The following SSH2 variants were observed in gnomAD, a reference collection of about 807,000 sequenced individuals.
SSH2 encodes slingshot protein phosphatase 2.
Under a neutral mutation model 135.2 loss-of-function variants are expected in SSH2, and 37 were observed. The observed-to-expected ratio is 0.27, with a 90% CI of 0.21 to 0.36. The LOEUF (loss-of-function observed/expected upper bound fraction) is 0.36. SSH2 is among the 10% of genes least tolerant of loss of function. SSH2 has a pLI of 1.00. For missense variants in SSH2, 1,408 were observed against 1,765.3 expected (o/e 0.80, Z 3.63); for synonymous variants, 628 against 646.2 (o/e 0.97, Z 0.43).
intron 1 of SSH2, among the ~76,000 whole-genome samples, chr17:29,873,356 C>T (rs1277118260): frequency 6.6e-6 from 1 of 151,802 alleles, no homozygotes; most frequent in African/African-American, 2.4e-5. Flanking sequence ...GTCAGGAGTT[C>T]GAGACCAGTC....
At chr17:29,660,655 A>G (rs1016680592) in intron 11 of SSH2, among the ~76,000 whole-genome samples, 2 of 152,166 alleles carry the variant, frequency 1.3e-5, no homozygotes, top group East Asian at 3.8e-4. Context: ...TTATACATGC[A>G]AAGTTTTTCC....
At chr17:29,862,309 G>A (rs2065779053) in intron 1 of SSH2, among the ~76,000 whole-genome samples, 1 of 152,116 alleles carries the variant, frequency 6.6e-6, no homozygotes, top group South Asian at 2.1e-4. Flanking sequence ...TCCCCCTCTG[G>A]ACTATGAGCT....
chr17:29,840,717 G>A (rs957473203), intron 2 of SSH2, among the ~76,000 whole-genome samples: 2 of 152,172 alleles, frequency 1.3e-5, no homozygotes, highest in African/African-American at 4.8e-5. Flanking sequence ...AAGAGCTGGT[G>A]ACATGAGGGA....
chr17:29,667,586 T>G (rs577142869), intron 9 of SSH2, among the ~76,000 whole-genome samples: 2 of 152,336 alleles, frequency 1.3e-5, no homozygotes, highest in East Asian at 3.9e-4. Flanking sequence ...CCTGATGATC[T>G]GAGGTGAAAC....
chr17:29,805,083 G>C (rs2042316668), intron 2 of SSH2, among the ~76,000 whole-genome samples: 1 of 151,216 alleles, frequency 6.6e-6, no homozygotes, highest in South Asian at 2.1e-4. Flanking sequence ...GGTTACCTCT[G>C]GGTCCCTTTT....
At chr17:29,703,974 T>C (rs912627202) in intron 3 of SSH2, among the ~76,000 whole-genome samples, 1 of 152,214 alleles carries the variant, frequency 6.6e-6, no homozygotes, top group African/African-American at 2.4e-5. Flanking sequence ...CTTTACTTCT[T>C]CCTAATAGAG....
chr17:29,829,837 ATT>A (rs35027288), intron 2 of SSH2, among the ~76,000 whole-genome samples: 79 of 130,368 alleles, frequency 6.1e-4, no homozygotes, highest in African/African-American at 1.2e-3. Flanking sequence ...AAAGATCAAG[ATT>A]TTTTTTTTTT....
At chr17:29,829,157 T>C (rs1216314077) in intron 2 of SSH2, among the ~76,000 whole-genome samples, 1 of 152,164 alleles carries the variant, frequency 6.6e-6, no homozygotes, top group Non-Finnish European at 1.5e-5. Context: ...ACTGTAATAG[T>C]GGCTGTTTAT....
Position 29,630,848 on chromosome 17 carries a change from G to A in SSH2, c.4346C>T (p.Thr1449Ile). The stretch of plus-strand genomic sequence containing the variant: ...ACATGTGTAGGCTCAGAATCACATG[G>A]TATTATAGAAGGGGTTGGTTGTCCG... ...KKRTTNPFYNTM is the reference protein window; with the variant it reads ...KKRTTNPFYNIM Residue 1449 changes from threonine (T) to isoleucine (I), a missense_variant, in exon 16 of 16, where the codon ACC (threonine) becomes ATC (isoleucine). Around this residue, in one of 3 missense-constraint regions of SSH2, gnomAD observed 1,080 missense variants for 1,144.5 expected, o/e 0.94. Transcript: ENST00000540801. 1 of 1,546,670 alleles carries A rather than the reference G, an allele frequency of 6.5e-7. No individual in the cohort carries two copies. The highest frequency in any genetic ancestry group is 8.7e-7 in the Non-Finnish European group (1 of 1,143,080).
chr17:29,856,321 G>C (rs1823611270), intron 1 of SSH2: 1 of 237,890 alleles, frequency 4.2e-6, no homozygotes, highest in East Asian at 1.4e-4. Context: ...AGTTTAGCAG[G>C]CTGATGAATA....
intron 1 of SSH2, chr17:29,855,636 C>G (rs542616138): frequency 2.4e-4 from 36 of 152,962 alleles, no homozygotes; most frequent in African/African-American, 7.9e-4. Flanking sequence ...TTAGGTGTAA[C>G]TGCATTGACA....
chr17:29,751,540 A>C (rs2617864), intron 3 of SSH2, among the ~76,000 whole-genome samples: 22,872 of 152,244 alleles, frequency 0.15, 1,740 homozygotes, highest in African/African-American at 0.19. Flanking sequence ...TACTGTACAT[A>C]ACTGTATGCA....
chr17:29,713,451 TTTTC>T (rs1004569085), intron 3 of SSH2, among the ~76,000 whole-genome samples: 11 of 152,296 alleles, frequency 7.2e-5, no homozygotes, highest in South Asian at 6.2e-4. Flanking sequence ...CTGTTTCTCT[TTTTC>T]TTTCTTTTTT....
chr17:29,708,539 G>T (rs1389431498), intron 3 of SSH2, among the ~76,000 whole-genome samples: 1 of 149,386 alleles, frequency 6.7e-6, no homozygotes, highest in Non-Finnish European at 1.5e-5. Flanking sequence ...GCAGTGAGCC[G>T]AGATTGTGCC....
chr17:29,917,311 C>T (rs2066899551), intron 1 of SSH2, among the ~76,000 whole-genome samples: 2 of 152,208 alleles, frequency 1.3e-5, no homozygotes, highest in Admixed American at 1.3e-4. Flanking sequence ...GCTCTTCCAT[C>T]TTTTCCAATT....
At chr17:29,664,842 G>C (rs2037205927) in intron 11 of SSH2, among the ~76,000 whole-genome samples, 1 of 152,116 alleles carries the variant, frequency 6.6e-6, no homozygotes, top group Admixed American at 6.6e-5. Context: ...TGCTTGCATG[G>C]CCTAAAATAT....
intron 3 of SSH2, among the ~76,000 whole-genome samples, chr17:29,719,037 G>A (rs2039726466): frequency 6.6e-6 from 1 of 152,126 alleles, no homozygotes; most frequent in Non-Finnish European, 1.5e-5. Flanking sequence ...CCTATTTAGT[G>A]TAGGAGGGGA....
intron 1 of SSH2, among the ~76,000 whole-genome samples, 156 bp from the exon 2 acceptor site, chr17:29,849,085 A>C (rs1831727423): frequency 6.6e-6 from 1 of 152,238 alleles, no homozygotes; most frequent in African/African-American, 2.4e-5. Flanking sequence ...AACACTGCCA[A>C]CAAGGTGACT....
chr17:29,760,934 G>A (rs1598954511), intron 3 of SSH2, among the ~76,000 whole-genome samples: 1 of 151,964 alleles, frequency 6.6e-6, no homozygotes, highest in African/African-American at 2.4e-5. Flanking sequence ...GGATTCTTCC[G>A]TCCACCCCCA....
Sources: allele counts gnomAD v4.1 joint callset (sites outside exome capture counted in the v4.1 genomes callset), GRCh38; gene constraint gnomAD v4.1.1; regional missense constraint gnomAD v4.1.1; transcripts MANE v1.5; gene names NCBI Gene and HGNC (gene_info 2026-07-23, HGNC 2026-07-21).